SYNJ2: variants seen among roughly 807,000 people sequenced by gnomAD.
The protein encoded by SYNJ2 is polyphosphatidylinositol phosphatase SYNJ2.
A neutral mutation model predicts 141.3 loss-of-function variants in SYNJ2; 116 were observed. That is an observed-to-expected ratio of 0.82 (90% CI 0.71 to 0.96). The LOEUF is 0.96. Among genes scored for constraint, SYNJ2 ranks in the 40% least tolerant of loss-of-function variants. SYNJ2 has a pLI of 0.00. For missense variants in SYNJ2, 1,873 were observed against 1,934.8 expected (o/e 0.97, Z 0.60); for synonymous variants, 745 against 777.7 (o/e 0.96, Z 0.70).
chr6:158,029,134 T>C, intron 3 of SYNJ2, 108 bp downstream of exon 3: 1 of 1,404,186 alleles, frequency 7.1e-7, no homozygotes, highest in South Asian at 1.5e-5. Context: ...CCCCGGGTTA[T>C]GGGGCACCTC....
chr6:158,088,777 GTTC>G lies in SYNJ2; in HGVS notation c.3456+10_3456+12del, dbSNP rs1487483924. On this transcript the variant is annotated splice_donor_region_variant and intron_variant, in intron 24 of 26. Coordinates refer to ENST00000355585, the MANE Select transcript of SYNJ2 (RefSeq NM_003898.4). ...CCAGGAGCACCTCAGCAACCTGTGA[GTTC>G]TTCTGCATACATTTCAATCCCAAGG... The G allele has an allele frequency of 6.2e-7, 1 of 1,600,368 alleles. No homozygotes were observed. The highest frequency in any genetic ancestry group is 8.6e-7 in the Non-Finnish European group (1 of 1,167,798).
chr6:158,064,522 A>C, intron 9 of SYNJ2, 79 bp from the exon 10 acceptor site: 2 of 1,556,592 alleles, frequency 1.3e-6, no homozygotes, highest in Non-Finnish European at 1.7e-6. Flanking sequence ...CAGGCTGCCG[A>C]ATAAGGAACC....
chr6:158,043,388 C>G lies in SYNJ2; in HGVS notation c.784C>G (p.Pro262Ala). The G allele has an allele frequency of 6.2e-7, 1 of 1,613,872 alleles. No homozygotes were observed. Residue 262 changes from proline to alanine, a missense_variant, in exon 5 of 27, where the codon CCA becomes GCA. Pro to Ala is a conservative substitution (Grantham distance 27). Transcript: ENST00000355585. This position sits in a 1 kb window ranked among gnomAD's most constrained non-coding sequence, Gnocchi z 4.0. ...RGSVPLFWEQ[P>A]GLQVGSHHLR... ...CTCCGTTCCGCTGTTCTGGGAACAG[C>G]CAGGGCTTCAGGTAGGTCATGAAAA...
intron 20 of SYNJ2, among the ~76,000 whole-genome samples, 178 bp downstream of exon 20, chr6:158,081,688 C>G (rs1038460290): frequency 1.5e-5 from 2 of 136,974 alleles, no homozygotes; most frequent in Admixed American, 7.9e-5. Flanking sequence ...GTGATGCAAT[C>G]ACAGCTCGCT....
In SYNJ2 at chr6:158,040,030, G is replaced by GGATCGGCTT. The variant is rs1330664674; in HGVS notation, c.712-3285_712-3284insATCGGCTTG. 5.3e-5 allele frequency among the ~76,000 whole-genome samples: 8 copies of GGATCGGCTT among 152,230 alleles called. No individual in the cohort carries two copies. Among genetic ancestry groups the GGATCGGCTT allele is most frequent in the African/African-American group, 7.2e-5 (3 of 41,456 alleles). On this transcript the variant is annotated intron_variant, in intron 4 of 26. Coordinates refer to ENST00000355585, the MANE Select transcript of SYNJ2 (RefSeq NM_003898.4). The surrounding 1 kb of genome is among the most constrained non-coding windows in gnomAD (Gnocchi z 4.2). ...CTCCCTGTGGTGGGGACTCTTGGCA[G>GGATCGGCTT]GCGGATCGGCTTCTTAGGAATTAAT...
At chr6:158,029,733 G>A (rs1225489278) in intron 3 of SYNJ2, among the ~76,000 whole-genome samples, 4 of 152,092 alleles carry the variant, frequency 2.6e-5, no homozygotes, top group Admixed American at 6.6e-5. Context: ...GCCGTTTACC[G>A]CTGATGTTTA....
At chr6:157,994,327 A>G (rs1002810466) in intron 1 of SYNJ2, among the ~76,000 whole-genome samples, 4 of 152,268 alleles carry the variant, frequency 2.6e-5, no homozygotes, top group African/African-American at 9.6e-5. Flanking sequence ...GAGTGATTAG[A>G]AGGCTGTCAT....
At position 158,064,758 on chromosome 6, in the gene SYNJ2, C is replaced by T. The variant is rs755587349; in HGVS notation, c.1359+8C>T. 1 of 1,613,318 alleles carries T rather than the reference C, an allele frequency of 6.2e-7. No individual in the cohort carries two copies. The highest frequency in any genetic ancestry group is 2.2e-5 in the East Asian group (1 of 44,858). ...CTGGAAGGGAAGGCCAAGGTAGGGC[C>T]CCGCCGAGGGGGCAGGGTGGGGGCC... On this transcript the variant is annotated splice_region_variant and intron_variant, in intron 10 of 26. Transcript: ENST00000355585.
Position 158,059,263 on chromosome 6 carries a change from G to A in SYNJ2, c.864G>A (p.Met288Ile). 1 of 1,549,232 alleles carries A rather than the reference G, an allele frequency of 6.5e-7. No homozygotes were observed. Among genetic ancestry groups the A allele is most frequent in the Non-Finnish European group, 8.7e-7 (1 of 1,146,518 alleles). ...CACCCCGCTGCCTTTGCAGGCACATGGTGCTTCTGAAGGAGCAGTACGGGC... is the reference window on the plus strand; with the variant it reads ...CACCCCGCTGCCTTTGCAGGCACATAGTGCTTCTGAAGGAGCAGTACGGGC... ...EANAPAFDRH[M>I]VLLKEQYGQQ... The change falls in exon 7 of 27, where the codon ATG (methionine) becomes ATA (isoleucine). Residue 288 changes from methionine to isoleucine, a missense_variant. Transcript: ENST00000355585.
intron 2 of SYNJ2, among the ~76,000 whole-genome samples, chr6:158,023,690 G>A (rs549724355): frequency 7.2e-5 from 11 of 152,086 alleles, no homozygotes; most frequent in Non-Finnish European, 1.2e-4. Context: ...ACCGTGTGCC[G>A]TGCTCCAGGA....
intron 4 of SYNJ2, among the ~76,000 whole-genome samples, chr6:158,038,654 G>A (rs1434455208): frequency 6.6e-6 from 1 of 152,236 alleles, no homozygotes; most frequent in Admixed American, 6.5e-5. Context: ...AAGCCTGACT[G>A]AGCCTGCCAG....
At chr6:158,079,590 C>G (rs573782076) in intron 18 of SYNJ2, among the ~76,000 whole-genome samples, 1 of 152,198 alleles carries the variant, frequency 6.6e-6, no homozygotes, top group South Asian at 2.1e-4. Flanking sequence ...AGGCTGGTCT[C>G]CAACTCCTGG....
intron 2 of SYNJ2, among the ~76,000 whole-genome samples, chr6:158,024,195 T>A (rs953682292): frequency 6.6e-6 from 1 of 152,152 alleles, no homozygotes; most frequent in African/African-American, 2.4e-5. Flanking sequence ...GAGGCCAAGG[T>A]GGGCGGACCA....
chr6:158,059,802 G>A (rs1206268238), intron 7 of SYNJ2, among the ~76,000 whole-genome samples: 2 of 152,124 alleles, frequency 1.3e-5, no homozygotes, highest in Non-Finnish European at 1.5e-5. Context: ...TGATCCACCC[G>A]CCTCGGCCTC....
intron 1 of SYNJ2, among the ~76,000 whole-genome samples, chr6:157,993,080 T>C (rs1434464433): frequency 2.6e-5 from 4 of 152,248 alleles, no homozygotes; most frequent in Non-Finnish European, 5.9e-5. Context: ...ATATAACATA[T>C]GTATACTACA....
At chr6:158,007,125 C>T (rs139281353) in intron 1 of SYNJ2, among the ~76,000 whole-genome samples, 417 of 152,146 alleles carry the variant, frequency 2.7e-3, no homozygotes, top group African/African-American at 9.7e-3. Context: ...ACACCTTGCC[C>T]GACTAATATT....
intron 22 of SYNJ2, among the ~76,000 whole-genome samples, chr6:158,085,340 T>G (rs990519219): frequency 6.6e-6 from 1 of 152,162 alleles, no homozygotes; most frequent in African/African-American, 2.4e-5. Flanking sequence ...TCTGAGTAAC[T>G]TTTAAAGCCC....
chr6:158,062,050 A>G lies in SYNJ2; in HGVS notation c.1013A>G (p.His338Arg). The change falls in exon 8 of 27, where the codon CAT (histidine) becomes CGT (arginine). Residue 338 changes from histidine to arginine, a missense_variant. His to Arg is a conservative substitution (Grantham distance 29). Coordinates refer to ENST00000355585, the MANE Select transcript of SYNJ2 (RefSeq NM_003898.4). ...ACGCCTATGATCAATTTTGACTTCC[A>G]TCAGTTTGCCAAAGGTGGGAAGCTA... ...GDTPMINFDFHQFAKGGKLEK... is the reference protein window; with the variant it reads ...GDTPMINFDFRQFAKGGKLEK... 2 of 1,614,150 alleles carry G rather than the reference A, an allele frequency of 1.2e-6. No homozygotes were observed. The highest frequency in any genetic ancestry group is 1.7e-6 in the Non-Finnish European group (2 of 1,180,038).
At chr6:158,017,386 C>T in intron 2 of SYNJ2, 96 bp downstream of exon 2, 2 of 1,288,414 alleles carry the variant, frequency 1.6e-6, no homozygotes, top group South Asian at 1.7e-5. Flanking sequence ...TTCTGTTTGA[C>T]CGCTCTTCTC....
Sources: gnomAD v4.1 joint callset for allele counts (sites outside exome capture counted in the v4.1 genomes callset) on GRCh38, gnomAD v4.1.1 for gene constraint, Gnocchi (gnomAD v3.1) non-coding constraint, MANE v1.5 for transcripts, NCBI Gene and HGNC (gene_info 2026-07-23, HGNC 2026-07-21) for gene names.